The following SWT1 variants were observed in gnomAD, a reference collection of about 807,000 sequenced individuals.
SWT1 encodes the protein SWT1 RNA endoribonuclease homolog.
In SWT1, 33 loss-of-function variants were observed where a neutral mutation model predicts 107.3. The ratio of observed to expected loss-of-function variants is 0.31; its 90% CI spans 0.23 to 0.41. SWT1 has a LOEUF of 0.41. Ranked by LOEUF, SWT1 falls within the 10% of genes least tolerant of loss-of-function variation. SWT1 has a pLI of 1.00. For missense variants in SWT1, 898 were observed against 1,028.9 expected (o/e 0.87, Z 1.74); for synonymous variants, 345 against 348.3 (o/e 0.99, Z 0.11).
chr1:185,188,988 A>AT (rs1312004093), intron 9 of SWT1, among the ~76,000 whole-genome samples: 1 of 151,768 alleles, frequency 6.6e-6, no homozygotes, highest in African/African-American at 2.4e-5. Context: ...TTTATTCTTA[A>AT]TTTTTTTAGA....
intron 13 of SWT1, among the ~76,000 whole-genome samples, chr1:185,211,713 A>C (rs910184795): frequency 6.6e-6 from 1 of 152,180 alleles, no homozygotes; most frequent in Non-Finnish European, 1.5e-5. Context: ...TGGGTATATA[A>C]CCAAAGGACT....
chr1:185,280,905 A>T, intron 18 of SWT1: 1 of 478,890 alleles, frequency 2.1e-6, no homozygotes, highest in South Asian at 1.6e-5. Context: ...AGTGTGGTGG[A>T]TCACTTCAGC....
intron 18 of SWT1, among the ~76,000 whole-genome samples, chr1:185,284,679 G>C (rs1451039054): frequency 1.3e-5 from 2 of 152,160 alleles, no homozygotes; most frequent in East Asian, 3.8e-4. Flanking sequence ...TCAGTGATTG[G>C]CTATACATTT....
chr1:185,243,237 T>C (rs2102615757), intron 16 of SWT1, among the ~76,000 whole-genome samples: 1 of 151,954 alleles, frequency 6.6e-6, no homozygotes, highest in South Asian at 2.1e-4. Flanking sequence ...GCCTCTGGAG[T>C]ACTTGGGACT....
chr1:185,216,951 CAA>C (rs1292913416), intron 14 of SWT1, among the ~76,000 whole-genome samples: 23 of 96,656 alleles, frequency 2.4e-4, no homozygotes, highest in Admixed American at 2.3e-4. Context: ...GACTCCATTT[CAA>C]AAAAAAAAAA....
chr1:185,176,366 T>A (rs919141963), intron 5 of SWT1, among the ~76,000 whole-genome samples: 1 of 140,766 alleles, frequency 7.1e-6, no homozygotes, highest in African/African-American at 2.7e-5. Context: ...AAAGAATGAG[T>A]CGAAGTTACT....
At chr1:185,172,714 G>A (rs1297024999) in intron 4 of SWT1, among the ~76,000 whole-genome samples, 1 of 152,110 alleles carries the variant, frequency 6.6e-6, no homozygotes, top group Non-Finnish European at 1.5e-5. Flanking sequence ...CCCCTTGCGA[G>A]TATTTGATGT....
intron 14 of SWT1, among the ~76,000 whole-genome samples, chr1:185,217,050 T>C (rs968573050): frequency 6.6e-6 from 1 of 152,184 alleles, no homozygotes; most frequent in African/African-American, 2.4e-5. Flanking sequence ...TAGCAAGAGA[T>C]TCATGAAGGC....
chr1:185,269,948 T>G (rs1663729082), intron 16 of SWT1, among the ~76,000 whole-genome samples: 3 of 152,212 alleles, frequency 2.0e-5, no homozygotes, highest in Admixed American at 1.3e-4. Flanking sequence ...TACGATGGGT[T>G]TATCGGGGTG....
intron 5 of SWT1, chr1:185,177,078 G>A: frequency 1.0e-6 from 1 of 980,722 alleles, no homozygotes; most frequent in Non-Finnish European, 1.2e-6. Flanking sequence ...AAGAGCTTGG[G>A]AATTAGTATT....
chr1:185,188,566 A>G (rs190053673), intron 9 of SWT1, among the ~76,000 whole-genome samples: 43 of 152,338 alleles, frequency 2.8e-4, no homozygotes, highest in Middle Eastern at 3.4e-3. Flanking sequence ...TCTAGATTTC[A>G]CTAATATGAA....
Position 185,190,652 on chromosome 1 carries a change from A to G in SWT1, c.1523+10A>G, listed in dbSNP as rs1320125417. The stretch of plus-strand genomic sequence containing the variant: ...TTGTTATTCTGTGCACGTGAGTTTC[A>G]TAGTCATTTGACTTTTTATTTTTAA... On this transcript the variant is annotated intron_variant, in intron 10 of 18. Coordinates refer to ENST00000367500, the MANE Select transcript of SWT1 (RefSeq NM_017673.7). The G allele has an allele frequency of 5.3e-6, 8 of 1,515,130 alleles. No homozygotes were observed. The highest frequency in any genetic ancestry group is 3.5e-5 in the Admixed American group (2 of 56,968). 93.9% of individuals were successfully genotyped at this position (1,515,130 alleles called of 1,614,324 possible).
In SWT1 at chr1:185,228,930, C is replaced by T. The variant is rs540362867; in HGVS notation, c.2310-2647C>T. ...TACATTGGGTGAACTGAAAGAAGGC[C>T]AGTGTGGCTGGAGCAAGGGGGCAGA... On this transcript the variant is annotated intron_variant, in intron 15 of 18. Transcript: ENST00000367500. Among the ~76,000 whole-genome samples, 3 of 152,190 alleles carry T rather than the reference C, an allele frequency of 2.0e-5. No homozygotes were observed. In the South Asian group the frequency reaches 6.2e-4, roughly 32 times the overall value.
In SWT1 at chr1:185,203,792, T is replaced by C. The variant is rs143902264; in HGVS notation, c.1670-908T>C. Among the ~76,000 whole-genome samples the C allele has an allele frequency of 1.8e-3, 271 of 152,294 alleles. 2 individuals carry two copies. The highest frequency in any genetic ancestry group is 6.2e-3 in the African/African-American group (259 of 41,584). ...AAAATGATTATTGAAGTCTCTAATATATGTGCATTTTATATATAATTGTGA... is the reference window on the plus strand; with the variant it reads ...AAAATGATTATTGAAGTCTCTAATACATGTGCATTTTATATATAATTGTGA... On this transcript the variant is annotated intron_variant, in intron 11 of 18. Coordinates refer to ENST00000367500, the MANE Select transcript of SWT1 (RefSeq NM_017673.7).
At chr1:185,209,531 A>G (rs1658599006) in intron 13 of SWT1, among the ~76,000 whole-genome samples, 1 of 152,166 alleles carries the variant, frequency 6.6e-6, no homozygotes, top group Non-Finnish European at 1.5e-5. Flanking sequence ...ACTTTCATCC[A>G]TGTCCCTGCA....
chr1:185,210,176 G>T (rs78387173), intron 13 of SWT1, among the ~76,000 whole-genome samples: 1 of 152,120 alleles, frequency 6.6e-6, no homozygotes, highest in Non-Finnish European at 1.5e-5. Context: ...TAGGTTGCCT[G>T]TTCACTCTGA....
At chr1:185,246,644 T>TTTTA (rs71101965) in intron 16 of SWT1, among the ~76,000 whole-genome samples, 2 of 149,742 alleles carry the variant, frequency 1.3e-5, no homozygotes, top group East Asian at 2.0e-4. Flanking sequence ...TTTTTTTTTT[T>TTTTA]AATAGAGGGG....
chr1:185,168,827 T>C (rs1171635887), intron 4 of SWT1, among the ~76,000 whole-genome samples: 14 of 152,202 alleles, frequency 9.2e-5, no homozygotes, highest in Admixed American at 9.2e-4. Flanking sequence ...TATGTGATTA[T>C]AGCTAGAGAA....
chr1:185,217,104 C>T (rs1024252555), intron 14 of SWT1, among the ~76,000 whole-genome samples: 6 of 152,214 alleles, frequency 3.9e-5, no homozygotes, highest in African/African-American at 1.4e-4. Context: ...TTCCCCTCAA[C>T]ACTTGGCTTT....
Sources: allele counts gnomAD v4.1 joint callset (sites outside exome capture counted in the v4.1 genomes callset), GRCh38; gene constraint gnomAD v4.1.1; transcripts MANE v1.5; gene names NCBI Gene and HGNC (gene_info 2026-07-23, HGNC 2026-07-21).